The following REEP5 variants were observed in gnomAD, a reference collection of about 807,000 sequenced individuals.
The protein encoded by REEP5 is receptor expression-enhancing protein 5.
In REEP5, 24 loss-of-function variants were observed where a neutral mutation model predicts 22.4. The ratio of observed to expected loss-of-function variants is 1.07; its 90% CI spans 0.78 to 1.51. The LOEUF (loss-of-function observed/expected upper bound fraction) is 1.51. Among genes scored for constraint, REEP5 ranks in the 40% most tolerant of loss-of-function variants. REEP5 has a pLI of 0.00. For missense variants in REEP5, 252 were observed against 233.0 expected, an observed-to-expected ratio of 1.08 and a Z score of -0.53; for synonymous variants, 103 against 88.6, an observed-to-expected ratio of 1.16 and a Z score of -0.92.
chr5:112,913,747 A>G (rs1236548938), intron 2 of REEP5, among the ~76,000 whole-genome samples: 2 of 152,270 alleles, frequency 1.3e-5, no homozygotes, highest in African/African-American at 2.4e-5. Context: ...GTGGACAGAC[A>G]TCCCTACACT....
chr5:112,910,957 T>G (rs1235939469), intron 2 of REEP5, among the ~76,000 whole-genome samples: 28 of 152,220 alleles, frequency 1.8e-4, no homozygotes, highest in Admixed American at 1.8e-3. Context: ...ATCCCATTGC[T>G]TTTTGCTAGA....
Position 112,876,803 on chromosome 5 carries a change from A to G in REEP5, c.*1983T>C, listed in dbSNP as rs1409179309. On this transcript the variant is annotated 3_prime_UTR_variant, in exon 5 of 5. Coordinates refer to ENST00000379638, the MANE Select transcript of REEP5 (RefSeq NM_005669.5). ...ACACTTAGACTGCCAGCAACAGTTA[A>G]CTTAAATTTTGGTCTCAAGGGAACA... The G allele has an allele frequency of 1.3e-5, 2 of 152,086 alleles. No homozygotes were observed. Among genetic ancestry groups the G allele is most frequent in the African/African-American group, 4.8e-5 (2 of 41,388 alleles). 9.4% of individuals were successfully genotyped at this position (152,086 alleles called of 1,614,324 possible). A position where few individuals can be genotyped will look rare whatever the true frequency, so the allele number is the denominator to read the frequency against.
At chr5:112,895,514 G>A (rs905554792) in intron 3 of REEP5, 1 of 152,046 alleles carries the variant, frequency 6.6e-6, no homozygotes, top group African/African-American at 2.4e-5. Context: ...CCACAGTTTT[G>A]TACCTCTTCA....
chr5:112,892,251 C>A, intron 3 of REEP5: 1 of 1,614,060 alleles, frequency 6.2e-7, no homozygotes, highest in Non-Finnish European at 8.5e-7. Flanking sequence ...CTAGTCCTAC[C>A]CTTCTTATTA....
chr5:112,903,595 A>G (rs1472842268), intron 2 of REEP5, among the ~76,000 whole-genome samples: 1 of 152,236 alleles, frequency 6.6e-6, no homozygotes, highest in African/African-American at 2.4e-5. Context: ...AAAATTTTCA[A>G]AAAGCAAATA....
chr5:112,897,532 A>C, intron 3 of REEP5: 1 of 152,228 alleles, frequency 6.6e-6, no homozygotes, highest in South Asian at 2.1e-4. Flanking sequence ...TTCATAATCA[A>C]GAAAAAAAGC....
intron 3 of REEP5, among the ~76,000 whole-genome samples, chr5:112,901,546 C>CA (rs921783935): frequency 9.3e-5 from 14 of 151,232 alleles, no homozygotes; most frequent in Non-Finnish European, 1.5e-4. Context: ...CTTTCTCTAC[C>CA]AAAAAAAATA....
intron 2 of REEP5, among the ~76,000 whole-genome samples, chr5:112,903,226 A>G (rs2150044459): frequency 6.6e-6 from 1 of 152,332 alleles, no homozygotes; most frequent in Admixed American, 6.5e-5. Context: ...TAGGAATCTC[A>G]TTATTCTAAA....
chr5:112,891,515 C>A (rs1236991968), intron 3 of REEP5: 6 of 1,380,954 alleles, frequency 4.3e-6, no homozygotes, highest in Non-Finnish European at 5.9e-6. Flanking sequence ...AGTATGCAAA[C>A]AAAACAATAC....
intron 3 of REEP5, among the ~76,000 whole-genome samples, chr5:112,889,381 A>G (rs1339311197): frequency 1.3e-5 from 2 of 150,838 alleles, no homozygotes; most frequent in African/African-American, 4.9e-5. Context: ...TCAGACAAAC[A>G]CCAACTCCCA....
At chr5:112,897,294 T>G (rs1197389266) in intron 3 of REEP5, 1 of 147,828 alleles carries the variant, frequency 6.8e-6, no homozygotes, top group African/African-American at 2.5e-5. Context: ...ATAGGAAGAC[T>G]ACTCTAAGAT....
At position 112,883,685 on chromosome 5, in the gene REEP5, A is replaced by C. The variant is rs73789237; in HGVS notation, c.520+3330T>G. ...TCCAGACCTGTTTCTTGAACTCTTG[A>C]CACCTGTATCCAACTAGCTATTTGA... On this transcript the variant is annotated intron_variant, in intron 4 of 4. Coordinates refer to ENST00000379638, the MANE Select transcript of REEP5 (RefSeq NM_005669.5). Among the ~76,000 whole-genome samples the C allele has an allele frequency of 7.5e-3, 1,137 of 152,268 alleles. 12 individuals are homozygous for C. Among genetic ancestry groups the C allele is most frequent in the African/African-American group, 0.026 (1,068 of 41,534 alleles).
chr5:112,886,516 T>C (rs1189894681), intron 4 of REEP5, among the ~76,000 whole-genome samples: 1 of 152,200 alleles, frequency 6.6e-6, no homozygotes, highest in Non-Finnish European at 1.5e-5. Context: ...AGAGAACACA[T>C]ACCTGAGGGG....
chr5:112,890,079 G>A lies in REEP5; in HGVS notation c.352-2896C>T, dbSNP rs1768387689. On this transcript the variant is annotated intron_variant, in intron 3 of 4. Transcript: ENST00000379638. ...TGACCTCAAATGATCCACCCCCATC[G>A]GCCTCCCAAAGTGCTGGGATTACAG... 2.0e-5 allele frequency among the ~76,000 whole-genome samples: 3 copies of A among 150,060 alleles called. 1 individual carries two copies. Among genetic ancestry groups the A allele is most frequent in the African/African-American group, 5.0e-5 (2 of 40,238 alleles).
chr5:112,907,035 T>A (rs1768971522), intron 2 of REEP5, among the ~76,000 whole-genome samples: 1 of 152,222 alleles, frequency 6.6e-6, no homozygotes, highest in Non-Finnish European at 1.5e-5. Flanking sequence ...CACCTGAATA[T>A]TCTGAAATTT....
chr5:112,895,374 T>C (rs568727708), intron 3 of REEP5: 46 of 152,012 alleles, frequency 3.0e-4, no homozygotes, highest in African/African-American at 1.0e-3. Context: ...AAGTGTACAA[T>C]AGAATAGTAG....
chr5:112,920,500 T>C lies in REEP5; in HGVS notation c.212+663A>G, dbSNP rs114649954. ...CGTAGAATTAAAAAAAATAAACACATTGTAGAATAAAAACAACTTTGGTAA... is the reference window on the plus strand; with the variant it reads ...CGTAGAATTAAAAAAAATAAACACACTGTAGAATAAAAACAACTTTGGTAA... On this transcript the variant is annotated intron_variant, in intron 2 of 4. Coordinates refer to ENST00000379638, the MANE Select transcript of REEP5 (RefSeq NM_005669.5). Among the ~76,000 whole-genome samples the C allele has an allele frequency of 4.3e-3, 657 of 152,252 alleles. 5 individuals carry two copies. Among genetic ancestry groups the C allele is most frequent in the African/African-American group, 0.015 (625 of 41,546 alleles).
intron 2 of REEP5, among the ~76,000 whole-genome samples, chr5:112,916,821 CTCTT>C (rs1478918132): frequency 4.6e-5 from 7 of 152,218 alleles, no homozygotes; most frequent in Admixed American, 1.3e-4. Context: ...TATTCAAATT[CTCTT>C]TCTGTGTTTC....
At chr5:112,890,351 A>T (rs1209232895) in intron 3 of REEP5, among the ~76,000 whole-genome samples, 1 of 144,698 alleles carries the variant, frequency 6.9e-6, no homozygotes, top group African/African-American at 2.8e-5. Flanking sequence ...TACAGAATAA[A>T]GAACACAAAA....
Sources: allele counts gnomAD v4.1 joint callset (sites outside exome capture counted in the v4.1 genomes callset), GRCh38; gene constraint gnomAD v4.1.1; transcripts MANE v1.5; gene names NCBI Gene and HGNC (gene_info 2026-07-23, HGNC 2026-07-21).